The following KIFC3 variants were observed in gnomAD, a reference collection of about 807,000 sequenced individuals.
The protein encoded by KIFC3 is kinesin-like protein KIFC3.
In KIFC3, 60 loss-of-function variants were observed where a neutral mutation model predicts 101.8. The observed-to-expected ratio is 0.59, with a 90% CI of 0.48 to 0.73. The LOEUF (loss-of-function observed/expected upper bound fraction) is 0.73, where lower values mean the gene tolerates loss of function less well. Ranked by LOEUF, KIFC3 falls within the 30% of genes least tolerant of loss-of-function variation. KIFC3 has a pLI of 0.00. For synonymous variants in KIFC3, 476 were observed against 482.7 expected, an observed-to-expected ratio of 0.99 and a Z score of 0.18; for missense variants, 966 against 1,137.1, an observed-to-expected ratio of 0.85 and a Z score of 2.16.
chr16:57,829,511 T>A (rs2055530447), intron 1 of KIFC3, among the ~76,000 whole-genome samples: 2 of 152,158 alleles, frequency 1.3e-5, no homozygotes. Context: ...TGCCTCAGCC[T>A]CCCAAAGTGC....
Position 57,760,243 on chromosome 16 carries a change from C to T in KIFC3, c.2367+39G>A, listed in dbSNP as rs782017771. 6.3e-6 allele frequency: 10 copies of T among 1,590,556 alleles called. No individual in the cohort carries two copies. In the Admixed American group the frequency reaches 1.7e-4, roughly 27 times the overall value. ...CCTGCCATGACCCAAAGTCTCTGAC[C>T]CAGGGCCACCTGAGCCAGGCCTGTG... On this transcript the variant is annotated intron_variant, in intron 17 of 19. Coordinates refer to ENST00000445690, the MANE Select transcript of KIFC3 (RefSeq NM_001130100.2).
In KIFC3 at chr16:57,798,173, C is replaced by A; in HGVS notation, c.71G>T (p.Arg24Leu). 6 of 1,539,876 alleles carry A rather than the reference C, an allele frequency of 3.9e-6. No homozygotes were observed. The highest frequency in any genetic ancestry group is 5.2e-6 in the Non-Finnish European group (6 of 1,142,996). The stretch of plus-strand genomic sequence containing the variant: ...CATCCCCGGCTCGGGCTCCGGGGCC[C>A]GGCCCACTCTCCACAGGCCCCGCAG... Reference protein sequence around the residue: ...PSLRGLWRVGRAPEPEPGMAR... With the variant: ...PSLRGLWRVGLAPEPEPGMAR... Residue 24 changes from arginine (R) to leucine (L), a missense_variant, in exon 2 of 20, where the codon CGG (arginine) becomes CTG (leucine). Around this residue, in one of 2 missense-constraint regions of KIFC3, gnomAD observed 277 missense variants for 252.5 expected, o/e 1.10. Transcript: ENST00000445690.
At chr16:57,788,612 G>A (rs1555618865) in intron 3 of KIFC3, 5 of 1,289,190 alleles carry the variant, frequency 3.9e-6, no homozygotes, top group Non-Finnish European at 4.0e-6. Flanking sequence ...CAGCTTCCCG[G>A]GCCTCCCGGG....
At chr16:57,764,275 T>TGGGGGGGTGGGG in intron 11 of KIFC3, 28 bp from the exon 12 acceptor site, 2 of 539,920 alleles carry the variant, frequency 3.7e-6, no homozygotes, top group Non-Finnish European at 7.1e-6. Flanking sequence ...GGGAGGCTGG[T>TGGGGGGGTGGGG]GGGGGGGCTT....
intron 1 of KIFC3, among the ~76,000 whole-genome samples, chr16:57,852,641 T>C (rs534294917): frequency 3.3e-5 from 5 of 152,304 alleles, no homozygotes; most frequent in East Asian, 1.9e-4. Flanking sequence ...CAGGAAGGGA[T>C]GGAAATGAAT....
intron 18 of KIFC3, 144 bp from the exon 19 acceptor site, chr16:57,759,297 T>A: frequency 1.0e-6 from 1 of 995,256 alleles, no homozygotes; most frequent in Non-Finnish European, 1.5e-6. Flanking sequence ...GAGCCCTGGG[T>A]CCCGGTCCTG....
At chr16:57,812,107 T>A (rs1178334142) in intron 1 of KIFC3, among the ~76,000 whole-genome samples, 4 of 149,286 alleles carry the variant, frequency 2.7e-5, no homozygotes, top group Admixed American at 2.0e-4. Flanking sequence ...AGTGGCGCGA[T>A]CTCGGCTCAC....
chr16:57,760,540 G>T, intron 16 of KIFC3, 124 bp from the exon 17 acceptor site: 1 of 1,213,000 alleles, frequency 8.2e-7, no homozygotes, highest in Non-Finnish European at 1.2e-6. Context: ...TGGGGTGGGA[G>T]GGCAGGCAAC....
At position 57,769,218 on chromosome 16, in the gene KIFC3, T is replaced by C. The variant is rs1287371560; in HGVS notation, c.1218+377A>G. Among the ~76,000 whole-genome samples the C allele has an allele frequency of 6.6e-6, 1 of 152,152 alleles. No individual in the cohort carries two copies. Among genetic ancestry groups the C allele is most frequent in the East Asian group, 1.9e-4 (1 of 5,198 alleles). On this transcript the variant is annotated intron_variant, in intron 9 of 19. Coordinates refer to ENST00000445690, the MANE Select transcript of KIFC3 (RefSeq NM_001130100.2). The surrounding 1 kb of genome is among the most constrained non-coding windows in gnomAD (Gnocchi z 4.3). ...GCCCAGCTAATTTTTGTAATTTTAG[T>C]AGAGACGAAGTTTCGCCTTGTTGGC...
At chr16:57,812,832 G>A (rs893487878) in intron 1 of KIFC3, among the ~76,000 whole-genome samples, 14 of 152,236 alleles carry the variant, frequency 9.2e-5, no homozygotes, top group Non-Finnish European at 1.5e-4. Context: ...CTGCCCCTGA[G>A]GGGCTCCCCC....
At chr16:57,862,460 A>G (rs182547669) in intron 1 of KIFC3, among the ~76,000 whole-genome samples, 1 of 152,298 alleles carries the variant, frequency 6.6e-6, no homozygotes, top group African/African-American at 2.4e-5. Context: ...AACTGTGGAT[A>G]AGGGAGGATT....
chr16:57,839,312 G>A (rs1032386525), intron 1 of KIFC3, among the ~76,000 whole-genome samples: 13 of 152,212 alleles, frequency 8.5e-5, no homozygotes, highest in African/African-American at 3.1e-4. Flanking sequence ...GGCCAAGGCG[G>A]GAGGATCCCT....
chr16:57,847,760 TTGTGTGTGTGTGTGTGTG>T (rs35081728), intron 1 of KIFC3, among the ~76,000 whole-genome samples: 4 of 139,708 alleles, frequency 2.9e-5, no homozygotes, highest in Non-Finnish European at 4.7e-5. Flanking sequence ...CCAGATGAAT[TTGTGTGTGTGTGTGTGTG>T]TGTGTGTGTG....
At chr16:57,787,949 G>A (rs1040468496) in intron 3 of KIFC3, among the ~76,000 whole-genome samples, 10 of 152,198 alleles carry the variant, frequency 6.6e-5, no homozygotes, top group African/African-American at 1.9e-4. Context: ...TCTTCCTTCC[G>A]GGCTCCTAGA....
intron 1 of KIFC3, among the ~76,000 whole-genome samples, chr16:57,854,199 C>T (rs1316333407): frequency 6.6e-6 from 1 of 152,168 alleles, no homozygotes; most frequent in Non-Finnish European, 1.5e-5. Flanking sequence ...GCCTCACCCT[C>T]CCAAAGTGCT....
chr16:57,759,685 AC>A (rs782734945), intron 18 of KIFC3, 42 bp downstream of exon 18: 1 of 1,472,166 alleles, frequency 6.8e-7, no homozygotes, highest in East Asian at 2.3e-5. Flanking sequence ...GGTGACTATT[AC>A]CCTGGGGAGA....
At chr16:57,780,997 A>T (rs1314532911) in intron 3 of KIFC3, among the ~76,000 whole-genome samples, 1 of 151,222 alleles carries the variant, frequency 6.6e-6, no homozygotes, top group East Asian at 2.0e-4. Context: ...TTTAAGGTTC[A>T]CTCTTGAGGT....
chr16:57,764,399 C>T, intron 11 of KIFC3, 152 bp from the exon 12 acceptor site: 1 of 612,970 alleles, frequency 1.6e-6, no homozygotes, highest in South Asian at 1.9e-5. Context: ...TGATTCGTGA[C>T]TCATGAGTCA....
At chr16:57,814,811 G>A (rs1286267827) in intron 1 of KIFC3, among the ~76,000 whole-genome samples, 1 of 152,042 alleles carries the variant, frequency 6.6e-6, no homozygotes, top group Non-Finnish European at 1.5e-5. Flanking sequence ...TAGTAGAGAT[G>A]GTGTTTCACC....
Sources: allele counts gnomAD v4.1 joint callset (sites outside exome capture counted in the v4.1 genomes callset), GRCh38; gene constraint gnomAD v4.1.1; regional missense constraint gnomAD v4.1.1; non-coding constraint Gnocchi (gnomAD v3.1); transcripts MANE v1.5; gene names NCBI Gene and HGNC (gene_info 2026-07-23, HGNC 2026-07-21).